Variants in GRID2 observed in about 807,000 individuals in gnomAD.
The protein encoded by GRID2 is glutamate ionotropic receptor delta type subunit 2, also known as glutamate receptor ionotropic, delta-2.
Under a neutral mutation model 114.8 loss-of-function variants are expected in GRID2, and 33 were observed. The ratio of observed to expected loss-of-function variants is 0.29; its 90% CI spans 0.22 to 0.38. The LOEUF is 0.38. Among genes scored for constraint, GRID2 ranks in the 10% least tolerant of loss-of-function variants. The probability of loss-of-function intolerance (pLI) is 1.00; values close to 1 mark genes in which losing one functional copy is unlikely to be tolerated. For synonymous variants in GRID2, 505 were observed against 449.9 expected, an observed-to-expected ratio of 1.12 and a Z score of -1.55; for missense variants, 1,184 against 1,257.7, an observed-to-expected ratio of 0.94 and a Z score of 0.89.
At chr4:92,490,246 G>T (rs568211436) in intron 1 of GRID2, among the ~76,000 whole-genome samples, 2 of 152,066 alleles carry the variant, frequency 1.3e-5, no homozygotes, top group Non-Finnish European at 2.9e-5. Flanking sequence ...AACCTTTATC[G>T]TATTCAAAAT....
chr4:93,713,532 A>G (rs187459158), intron 14 of GRID2, among the ~76,000 whole-genome samples: 128 of 152,162 alleles, frequency 8.4e-4, no homozygotes, highest in Non-Finnish European at 1.5e-3. Context: ...ATGGTGAAAA[A>G]GACATGCAAA....
chr4:93,780,718 C>T (rs891787637), intron 1 of GRID2, among the ~76,000 whole-genome samples: 10 of 152,146 alleles, frequency 6.6e-5, no homozygotes, highest in African/African-American at 1.9e-4. Flanking sequence ...GCTGGGCTGG[C>T]GCTCACAGAG....
At chr4:92,835,324 A>G (rs536787116) in intron 2 of GRID2, among the ~76,000 whole-genome samples, 6 of 152,258 alleles carry the variant, frequency 3.9e-5, no homozygotes, top group African/African-American at 1.4e-4. Context: ...TGGAGGCTGC[A>G]TAAGAGAATG....
chr4:93,497,125 G>A (rs1452026749), intron 12 of GRID2, among the ~76,000 whole-genome samples: 6 of 151,180 alleles, frequency 4.0e-5, no homozygotes, highest in Non-Finnish European at 7.4e-5. Flanking sequence ...TTTTATTATT[G>A]TGTAGTGGTA....
chr4:92,903,332 T>G (rs1747716628), intron 2 of GRID2, among the ~76,000 whole-genome samples: 1 of 151,972 alleles, frequency 6.6e-6, no homozygotes, highest in Non-Finnish European at 1.5e-5. Context: ...CTTAGGTTTT[T>G]ATAAAATTGC....
intron 14 of GRID2, among the ~76,000 whole-genome samples, chr4:93,648,132 C>T (rs78688215): frequency 0.036 from 5,463 of 152,090 alleles, 328 homozygotes; most frequent in African/African-American, 0.12. Flanking sequence ...ACCATAAACT[C>T]AACTGGAAAA....
At chr4:93,393,541 C>T (rs577434895) in intron 8 of GRID2, among the ~76,000 whole-genome samples, 25 of 152,050 alleles carry the variant, frequency 1.6e-4, no homozygotes, top group South Asian at 4.1e-4. Context: ...TTTACCTATT[C>T]TACCTACTTC....
At chr4:93,148,454 G>A (rs1396538627) in intron 4 of GRID2, among the ~76,000 whole-genome samples, 2 of 152,008 alleles carry the variant, frequency 1.3e-5, no homozygotes, top group Non-Finnish European at 2.9e-5. Flanking sequence ...AGGAAAAGAA[G>A]GGATTCAAAA....
At chr4:92,371,491 A>G (rs1239068957) in intron 1 of GRID2, among the ~76,000 whole-genome samples, 2 of 151,938 alleles carry the variant, frequency 1.3e-5, no homozygotes, top group Non-Finnish European at 1.5e-5. Flanking sequence ...GGTAAAATCT[A>G]CTCTGTCTGT....
chr4:93,205,764 A>T (rs1446912810), intron 4 of GRID2, among the ~76,000 whole-genome samples: 1 of 152,016 alleles, frequency 6.6e-6, no homozygotes, highest in Non-Finnish European at 1.5e-5. Flanking sequence ...ACTAGTTGAC[A>T]GTCCCACCAA....
intron 9 of GRID2, among the ~76,000 whole-genome samples, chr4:93,410,605 C>G (rs1436351309): frequency 6.6e-6 from 1 of 152,138 alleles, no homozygotes; most frequent in Admixed American, 6.6e-5. Flanking sequence ...TTGTTTGAGA[C>G]AGAGTTTCAC....
At chr4:92,801,261 A>T (rs140947809) in intron 2 of GRID2, among the ~76,000 whole-genome samples, 73 of 152,072 alleles carry the variant, frequency 4.8e-4, no homozygotes, top group African/African-American at 1.7e-3. Flanking sequence ...TATCTTGTGG[A>T]TAACTTCTGT....
At chr4:92,788,999 T>C (rs1739450389) in intron 2 of GRID2, among the ~76,000 whole-genome samples, 1 of 151,922 alleles carries the variant, frequency 6.6e-6, no homozygotes, top group African/African-American at 2.4e-5. Flanking sequence ...TAATAAATAG[T>C]CACAGTTTTT....
intron 2 of GRID2, among the ~76,000 whole-genome samples, chr4:92,759,481 G>C (rs144703594): frequency 6.6e-6 from 1 of 151,834 alleles, no homozygotes; most frequent in Non-Finnish European, 1.5e-5. Context: ...ACTGATGAGC[G>C]CTCCACTTTG....
chr4:93,213,967 A>C (rs1453601701), intron 5 of GRID2, among the ~76,000 whole-genome samples: 1 of 152,108 alleles, frequency 6.6e-6, no homozygotes, highest in Non-Finnish European at 1.5e-5. Flanking sequence ...TAGCCTAAAT[A>C]AGTAAAATAG....
intron 2 of GRID2, among the ~76,000 whole-genome samples, chr4:92,832,566 G>A (rs557073084): frequency 2.6e-5 from 4 of 152,128 alleles, no homozygotes; most frequent in African/African-American, 9.6e-5. Flanking sequence ...ACTAATTTGT[G>A]TAATTTTAGT....
intron 8 of GRID2, among the ~76,000 whole-genome samples, chr4:93,337,966 C>T (rs576899073): frequency 6.6e-6 from 1 of 152,262 alleles, no homozygotes; most frequent in East Asian, 1.9e-4. Context: ...GAAGTAAACA[C>T]TTTGAACTCT....
chr4:92,911,316 A>C (rs1332854077), intron 2 of GRID2, among the ~76,000 whole-genome samples: 1 of 152,048 alleles, frequency 6.6e-6, no homozygotes, highest in Non-Finnish European at 1.5e-5. Context: ...ACAGGTATTG[A>C]CATTAAAGTG....
intron 2 of GRID2, among the ~76,000 whole-genome samples, chr4:92,619,251 AT>A (rs1352072703): frequency 1.3e-5 from 2 of 151,554 alleles, no homozygotes; most frequent in African/African-American, 4.8e-5. Context: ...TGATAATTCT[AT>A]TTGTGTTTCT....
Sources: allele counts gnomAD v4.1 joint callset (sites outside exome capture counted in the v4.1 genomes callset), GRCh38; gene constraint gnomAD v4.1.1; transcripts MANE v1.5; gene names NCBI Gene and HGNC (gene_info 2026-07-23, HGNC 2026-07-21).